Variants in RBFOX3 observed in about 807,000 individuals in gnomAD.
RBFOX3 encodes RNA binding fox-1 homolog 3, also known as RNA binding protein fox-1 homolog 3.
In RBFOX3, 17 loss-of-function variants were observed where a neutral mutation model predicts 48.7. The ratio of observed to expected loss-of-function variants is 0.35; its 90% confidence interval spans 0.24 to 0.52. The LOEUF (loss-of-function observed/expected upper bound fraction) is 0.52, where lower values mean the gene tolerates loss of function less well. Ranked by LOEUF, RBFOX3 falls within the 20% of genes least tolerant of loss-of-function variation. The pLI is 0.94. For synonymous variants in RBFOX3, 212 were observed against 209.5 expected, an observed-to-expected ratio of 1.01 and a Z score of -0.10; for missense variants, 382 against 497.5, an observed-to-expected ratio of 0.77 and a Z score of 2.21.
intron 3 of RBFOX3, among the ~76,000 whole-genome samples, chr17:79,261,064 G>T (rs766311297): frequency 7.9e-5 from 12 of 152,036 alleles, no homozygotes; most frequent in Non-Finnish European, 1.6e-4. Context: ...TCTTTGCCCA[G>T]ATCCTTTTTC....
intron 4 of RBFOX3, chr17:79,132,675 C>G (rs1051494359): frequency 2.6e-5 from 4 of 152,260 alleles, no homozygotes; most frequent in Non-Finnish European, 1.5e-5. Flanking sequence ...CCTGACTCGC[C>G]CTTGAGCGGC....
rs1037534324 is a variant in RBFOX3 at position 79,391,726 on chromosome 17, CTG to C, written c.-174-83904_-174-83903del. On this transcript the variant is annotated intron_variant, in intron 2 of 14. Transcript: ENST00000693108. This position sits in a 1 kb window ranked among gnomAD's most constrained non-coding sequence, Gnocchi z 5.0. ...TGAGCGTGTGTGGGCACAGGAAAGT[CTG>C]TGTGCACGTGTGAGTTAGGGTGGGG... Among the ~76,000 whole-genome samples, 10 of 152,180 alleles carry C rather than the reference CTG, an allele frequency of 6.6e-5. No individual in the cohort carries two copies. The highest frequency in any genetic ancestry group is 2.2e-4 in the African/African-American group (9 of 41,432).
At chr17:79,647,910 G>A in the RBFOX3 span, among the ~76,000 whole-genome samples, 1 of 150,876 alleles carries the variant, frequency 6.6e-6, no homozygotes, top group Non-Finnish European at 1.5e-5. Context: ...AGCCCACCTG[G>A]GGGTGCAGTG....
At chr17:79,306,056 C>T (rs2076045772) in intron 3 of RBFOX3, among the ~76,000 whole-genome samples, 1 of 152,212 alleles carries the variant, frequency 6.6e-6, no homozygotes, top group Non-Finnish European at 1.5e-5. Flanking sequence ...TTATGTCCAG[C>T]GGGTGAAAGC....
intron 2 of RBFOX3, among the ~76,000 whole-genome samples, chr17:79,318,854 CAAAAAAAAAAAA>C (rs71161660): frequency 1.2e-4 from 4 of 32,524 alleles, no homozygotes; most frequent in Non-Finnish European, 2.0e-4. Context: ...GACTCCATCT[CAAAAAAAAAAAA>C]AAAAAAAAAA....
chr17:79,092,628 C>T (rs1013726042), intron 14 of RBFOX3: 7 of 986,934 alleles, frequency 7.1e-6, no homozygotes, highest in Middle Eastern at 2.8e-4. Flanking sequence ...GTACCCTCCT[C>T]GGCAGAGGCT....
chr17:79,201,091 TAACAACAACAACGAC>T (rs913812451), intron 4 of RBFOX3, among the ~76,000 whole-genome samples: 5 of 148,176 alleles, frequency 3.4e-5, no homozygotes, highest in African/African-American at 7.9e-5. Flanking sequence ...CATCACTTCT[TAACAACAACAACGAC>T]AACAACAACA....
chr17:79,420,125 T>TCACACACACACACA (rs1362849426), intron 2 of RBFOX3, among the ~76,000 whole-genome samples: 24 of 25,206 alleles, frequency 9.5e-4, no homozygotes, highest in African/African-American at 4.0e-3. Flanking sequence ...AGACTCCGTC[T>TCACACACACACACA]CATACACACA....
chr17:79,156,984 A>G (rs563989169), intron 4 of RBFOX3, among the ~76,000 whole-genome samples: 3 of 152,230 alleles, frequency 2.0e-5, no homozygotes, highest in Admixed American at 1.3e-4. Context: ...ACAGAGCCAC[A>G]CTGTCTGGTC....
intron 2 of RBFOX3, among the ~76,000 whole-genome samples, chr17:79,469,519 G>C (rs1290602485): frequency 6.6e-6 from 1 of 152,162 alleles, no homozygotes; most frequent in Admixed American, 6.5e-5. Context: ...CCTGTCCCCT[G>C]TCCTGCAGGT....
intron 1 of RBFOX3, among the ~76,000 whole-genome samples, chr17:79,500,538 T>C (rs2082252109): frequency 6.6e-6 from 1 of 152,216 alleles, no homozygotes; most frequent in African/African-American, 2.4e-5. Flanking sequence ...ATTAGAGGCA[T>C]GAGCCACCAT....
chr17:79,374,999 C>G (rs868134), intron 2 of RBFOX3, among the ~76,000 whole-genome samples: 25 of 151,776 alleles, frequency 1.6e-4, no homozygotes, highest in African/African-American at 5.6e-4. Flanking sequence ...CTTCCCCTGC[C>G]GCTCCACCAG....
chr17:79,589,493 C>CT (rs1446432877), intron 1 of RBFOX3, among the ~76,000 whole-genome samples: 32 of 152,320 alleles, frequency 2.1e-4, no homozygotes, highest in Admixed American at 9.8e-4. Flanking sequence ...GACCCTGTCT[C>CT]TAAGGTCACA....
rs2061380950 is a variant in RBFOX3, at chr17:79,391,629, T to C, written c.-174-83805A>G. On this transcript the variant is annotated intron_variant, in intron 2 of 14. Coordinates refer to ENST00000693108, the MANE Select transcript of RBFOX3 (RefSeq NM_001350451.2). This position sits in a 1 kb window ranked among gnomAD's most constrained non-coding sequence, Gnocchi z 5.0. ...AATGAAGAAATGAGGCCCAGTGAGG[T>C]ACATGTACACGTGCACATGTGCATA... Among the ~76,000 whole-genome samples, 1 of 152,158 alleles carries C rather than the reference T, an allele frequency of 6.6e-6. No individual in the cohort carries two copies. Among genetic ancestry groups the C allele is most frequent in the Admixed American group, 6.5e-5 (1 of 15,284 alleles).
chr17:79,267,949 A>G (rs964992261), intron 3 of RBFOX3, among the ~76,000 whole-genome samples: 14 of 152,104 alleles, frequency 9.2e-5, no homozygotes, highest in Non-Finnish European at 2.9e-5. Flanking sequence ...TATCCACACG[A>G]TTTCTAAAAT....
intron 2 of RBFOX3, among the ~76,000 whole-genome samples, chr17:79,401,319 G>C (rs918901649): frequency 1.3e-5 from 2 of 152,210 alleles, no homozygotes; most frequent in African/African-American, 2.4e-5. Context: ...GTGGTAGAAC[G>C]GGGCTACTAC....
intron 2 of RBFOX3, among the ~76,000 whole-genome samples, chr17:79,447,743 A>C (rs1795060789): frequency 6.6e-6 from 1 of 152,178 alleles, no homozygotes; most frequent in African/African-American, 2.4e-5. Context: ...CCATGTGAGC[A>C]TTGCTCAGCA....
intron 4 of RBFOX3, among the ~76,000 whole-genome samples, chr17:79,221,914 G>A (rs967191849): frequency 6.6e-6 from 1 of 152,186 alleles, no homozygotes; most frequent in Non-Finnish European, 1.5e-5. Flanking sequence ...GGGTGGAGGT[G>A]CAGATGGGGA....
intron 4 of RBFOX3, among the ~76,000 whole-genome samples, chr17:79,182,921 C>A (rs1267504835): frequency 6.6e-6 from 1 of 150,822 alleles, no homozygotes; most frequent in Non-Finnish European, 1.5e-5. Context: ...GCGCGAAGTT[C>A]CCCAAAGTGA....
Sources: gnomAD v4.1 joint callset for allele counts (sites outside exome capture counted in the v4.1 genomes callset) on GRCh38, gnomAD v4.1.1 for gene constraint, Gnocchi (gnomAD v3.1) non-coding constraint, MANE v1.5 for transcripts, NCBI Gene and HGNC (gene_info 2026-07-23, HGNC 2026-07-21) for gene names.